Variants in TMC8 observed in about 807,000 individuals in gnomAD.
TMC8 encodes the protein transmembrane channel like 8.
A neutral mutation model predicts 76.0 loss-of-function variants in TMC8; 71 were observed. The ratio of observed to expected loss-of-function variants is 0.93; its 90% confidence interval spans 0.77 to 1.14. TMC8 has a LOEUF of 1.14. Among genes scored for constraint, TMC8 ranks in the 50% most tolerant of loss-of-function variants. TMC8 has a pLI of 0.00. For synonymous variants in TMC8, 433 were observed against 433.8 expected (o/e 1.00, Z 0.02); for missense variants, 924 against 947.9 (o/e 0.97, Z 0.33).
chr17:78,132,173 C>A, intron 3 of TMC8, 143 bp downstream of exon 3: 1 of 1,419,926 alleles, frequency 7.0e-7, no homozygotes, highest in Non-Finnish European at 9.6e-7. Context: ...ACCCCTTCCG[C>A]CCGCAGGCAC....
At chr17:78,139,310 G>A in intron 15 of TMC8, 70 bp downstream of exon 15, 1 of 1,574,918 alleles carries the variant, frequency 6.3e-7, no homozygotes, top group Non-Finnish European at 8.7e-7. Flanking sequence ...GTGGCCGAGG[G>A]CCTAGAACAC....
chr17:78,131,375 AGCCCC>A lies in TMC8; in HGVS notation c.-212_-208del, dbSNP rs2074959654. 1.5e-6 allele frequency: 1 copy of A among 647,620 alleles called. No individual in the cohort carries two copies. Among genetic ancestry groups the A allele is most frequent in the Non-Finnish European group, 2.6e-6 (1 of 378,058 alleles). The allele number at this position is 647,620 out of a possible 1,614,324, so 40.1% of individuals were successfully genotyped here. A position where few individuals can be genotyped will look rare whatever the true frequency, so the allele number is the denominator to read the frequency against. ...GCAGCAGGATTCTCTCTCATTTCTG[AGCCCC>A]GGAGGTGGCAGAGCGGCAGACCCGG... On this transcript the variant is annotated 5_prime_UTR_variant, in exon 2 of 16. An upstream open reading frame in the 5' UTR gains an earlier in-frame stop. Transcript: ENST00000318430.
intron 2 of TMC8, 36 bp from the exon 3 acceptor site, chr17:78,131,846 T>C: frequency 6.8e-7 from 1 of 1,476,054 alleles, no homozygotes; most frequent in Non-Finnish European, 9.0e-7. Flanking sequence ...GCAGGGCGGG[T>C]GACTCAGGGG....
Position 78,137,828 on chromosome 17 carries a change from T to C in TMC8, c.1349+14T>C, listed in dbSNP as rs994392224. On this transcript the variant is annotated intron_variant, in intron 11 of 15. Transcript: ENST00000318430. ...CCTGCCTCGGAGGTGAGCCCCGGGG[T>C]GACACCTCCAGAAGGGCGGGGGTGC... 2 of 1,611,596 alleles carry C rather than the reference T, an allele frequency of 1.2e-6. No homozygotes were observed. The highest frequency in any genetic ancestry group is 2.7e-5 in the African/African-American group (2 of 74,886).
rs1427810321 is a variant in TMC8 at position 78,131,944 on chromosome 17, A to G, written c.212A>G (p.Gln71Arg). The change falls in exon 3 of 16, where the codon CAG becomes CGG. Residue 71 changes from glutamine (Q) to arginine (R), a missense_variant. Gln to Arg is a conservative substitution (Grantham distance 43, BLOSUM62 1). Transcript: ENST00000318430. ...LRWQRWQRRR[Q>R]TVERRLREAA... ...TGGCAGCGGTGGCAGCGCCGGCGGC[A>G]GACGGTGGAAAGGCGCCTGCGGGAG... is the stretch of plus-strand genomic sequence containing the variant. The G allele has an allele frequency of 6.6e-7, 1 of 1,510,596 alleles. No individual in the cohort carries two copies. The highest frequency in any genetic ancestry group is 2.1e-5 in the Admixed American group (1 of 47,470). The allele number at this position is 1,510,596 out of a possible 1,614,324, so 93.6% of individuals were successfully genotyped here.
rs750338293 is a variant in TMC8 at position 78,138,048 on chromosome 17, G to C, written c.1393G>C (p.Glu465Gln). Residue 465 changes from glutamate (E) to glutamine (Q), a missense_variant, in exon 12 of 16, where the codon GAA (glutamate) becomes CAA (glutamine). Coordinates refer to ENST00000318430, the MANE Select transcript of TMC8 (RefSeq NM_152468.5). ...CTCAGGCCGGTTCTGGGCCTGGCTG[G>C]AACGGGAGGAGTTCCTGGTCCCCAA... ...RFSGRFWAWL[E>Q]REEFLVPKNV... 1.2e-6 allele frequency: 2 copies of C among 1,614,032 alleles called. No individual in the cohort carries two copies. Among genetic ancestry groups the C allele is most frequent in the East Asian group, 2.2e-5 (1 of 44,876 alleles).
chr17:78,141,102 C>T lies in TMC8; in HGVS notation c.2171C>T (p.Ala724Val), dbSNP rs2075365318. The T allele has an allele frequency of 1.3e-6, 2 of 1,572,264 alleles. No individual in the cohort carries two copies. The highest frequency in any genetic ancestry group is 1.4e-5 in the African/African-American group (1 of 73,966). The stretch of plus-strand genomic sequence containing the variant: ...CGCAGATTCCGCTTCCCCAGCGGCG[C>T]GGAGCTGTAACCCCTACCCCTGCCT... ...SARRFRFPSG[A>V]EL Residue 724 changes from alanine (A) to valine (V), a missense_variant, in exon 16 of 16, where the codon GCG (alanine) becomes GTG (valine). By Grantham distance (64) the Ala-to-Val change is moderately conservative. Transcript: ENST00000318430.
Position 78,141,200 on chromosome 17 carries a change from C to T in TMC8, c.*88C>T, listed in dbSNP as rs1194825549. 46 of 783,618 alleles carry T rather than the reference C, an allele frequency of 5.9e-5. No homozygotes were observed. Among genetic ancestry groups the T allele is most frequent in the Non-Finnish European group, 8.4e-5 (44 of 522,556 alleles). 48.5% of individuals were successfully genotyped at this position (783,618 alleles called of 1,614,324 possible). A position where few individuals can be genotyped will look rare whatever the true frequency, so the allele number is the denominator to read the frequency against. The stretch of plus-strand genomic sequence containing the variant: ...CAGACCCCTGGCGACCACCGCCCCT[C>T]TCAGTGGCTCCAGGGCCTCCCTCAG... On this transcript the variant is annotated 3_prime_UTR_variant, in exon 16 of 16. Transcript: ENST00000318430.
chr17:78,136,959 C>T (rs1174297630), intron 9 of TMC8: 1 of 415,132 alleles, frequency 2.4e-6, no homozygotes, highest in Admixed American at 3.6e-5. Flanking sequence ...GGCAGTGAGC[C>T]GAGGTCACAA....
intron 10 of TMC8, 150 bp from the exon 11 acceptor site, chr17:78,137,567 A>C: frequency 8.9e-7 from 1 of 1,120,724 alleles, no homozygotes; most frequent in Admixed American, 1.7e-5. Flanking sequence ...TCCTGCTCTA[A>C]TCCCATCCTC....
chr17:78,138,702 C>T lies in TMC8; in HGVS notation c.1793C>T (p.Ala598Val), dbSNP rs137975524. 14 of 1,611,304 alleles carry T rather than the reference C, an allele frequency of 8.7e-6. No homozygotes were observed. Among genetic ancestry groups the T allele is most frequent in the Admixed American group, 1.7e-5 (1 of 60,004 alleles). Residue 598 changes from alanine to valine, a missense_variant, in exon 14 of 16, where the codon GCC (alanine) becomes GTC (valine). Coordinates refer to ENST00000318430, the MANE Select transcript of TMC8 (RefSeq NM_152468.5). ...GCCCTCCACTACCTGGGCTCCCACGCCTTCAGCTTCCCCCTCCTCATCATG... is the reference window on the plus strand; with the variant it reads ...GCCCTCCACTACCTGGGCTCCCACGTCTTCAGCTTCCCCCTCCTCATCATG... The part of the protein sequence containing the change: ...QRALHYLGSH[A>V]FSFPLLIMLS...
intron 5 of TMC8, 26 bp from the exon 6 acceptor site, chr17:78,133,380 C>T: frequency 6.2e-7 from 1 of 1,613,566 alleles, no homozygotes; most frequent in East Asian, 2.2e-5. Context: ...CTCACCCGGG[C>T]TGGGTATCTT....
chr17:78,136,411 A>G (rs1169540910), intron 9 of TMC8, among the ~76,000 whole-genome samples: 6 of 152,136 alleles, frequency 3.9e-5, no homozygotes, highest in African/African-American at 7.2e-5. Context: ...TCAAGGCTAC[A>G]GGGAGCTGTG....
At position 78,131,991 on chromosome 17, in the gene TMC8, G is replaced by C. The variant is rs1288621413; in HGVS notation, c.259G>C (p.Gly87Arg). ...GGAGGCAGCGCAGCGGCTGGCCCGG[G>C]GCCTTGGGCTCTGGGAGGGGGCGCT... The part of the protein sequence containing the change: ...LREAAQRLAR[G>R]LGLWEGALYE... The change falls in exon 3 of 16, where the codon GGC becomes CGC. Residue 87 changes from glycine to arginine, a missense_variant. Transcript: ENST00000318430. 5.9e-6 allele frequency: 9 copies of C among 1,528,514 alleles called. No individual in the cohort carries two copies. The highest frequency in any genetic ancestry group is 7.9e-6 in the Non-Finnish European group (9 of 1,143,662). The allele number at this position is 1,528,514 out of a possible 1,614,324, so 94.7% of individuals were successfully genotyped here. A position where few individuals can be genotyped will look rare whatever the true frequency, so the allele number is the denominator to read the frequency against.
rs3834967 is a variant in TMC8 at position 78,141,173 on chromosome 17, TC to T, written c.*63del. 86,441 of 1,399,646 alleles carry T rather than the reference TC, an allele frequency of 0.062. 5,278 individuals are homozygous for T. The highest frequency in any genetic ancestry group is 0.28 in the Admixed American group (11,454 of 41,186). The allele number at this position is 1,399,646 out of a possible 1,614,324, so 86.7% of individuals were successfully genotyped here. ...CCCTTCAGGCCTCCTTACTCCATCT[TC>T]CAGACCCCTGGCGACCACCGCCCCT... On this transcript the variant is annotated 3_prime_UTR_variant, in exon 16 of 16. Transcript: ENST00000318430.
At chr17:78,140,766 G>A (rs1441080266) in intron 15 of TMC8, 68 bp from the exon 16 acceptor site, 9 of 1,553,672 alleles carry the variant, frequency 5.8e-6, no homozygotes, top group Non-Finnish European at 7.0e-6. Context: ...AGTTGCTGCC[G>A]CTGCTGTCCT....
Position 78,134,940 on chromosome 17 carries a change from T to A in TMC8, c.1058T>A (p.Leu353Gln). The change falls in exon 9 of 16, where the codon CTG (leucine) becomes CAG (glutamine). Residue 353 changes from leucine (L) to glutamine (Q), a missense_variant. Leu to Gln is a moderately radical substitution (Grantham distance 113). Transcript: ENST00000318430. ...GCCCTGGTCAACTTCCTGGGTCCCC[T>A]GCTGTTCACATTTCTGGTCCAGCTG... ...VIALVNFLGPLLFTFLVQLEN... is the reference protein window; with the variant it reads ...VIALVNFLGPQLFTFLVQLEN... 6.2e-7 allele frequency: 1 copy of A among 1,614,180 alleles called. No individual in the cohort carries two copies. The highest frequency in any genetic ancestry group is 1.1e-5 in the South Asian group (1 of 91,080).
chr17:78,135,402 T>C (rs772662549), intron 9 of TMC8, among the ~76,000 whole-genome samples: 1 of 151,856 alleles, frequency 6.6e-6, no homozygotes, highest in Non-Finnish European at 1.5e-5. Flanking sequence ...ACCATCCTCA[T>C]CCCCCTTGAG....
At position 78,138,172 on chromosome 17, in the gene TMC8, CCTT is replaced by C. The variant is rs772871149; in HGVS notation, c.1520_1522del (p.Phe507del). Reference sequence around the variant, plus strand: ...CTGAATAGCGTCTTCCTCTTCCTCACCTTCTACATCAAGAAGGTGACGGCTCAT... The same window carrying C: ...CTGAATAGCGTCTTCCTCTTCCTCACCTACATCAAGAAGGTGACGGCTCAT... On this transcript the variant is annotated inframe_deletion, in exon 12 of 16. Coordinates refer to ENST00000318430, the MANE Select transcript of TMC8 (RefSeq NM_152468.5). The C allele has an allele frequency of 5.0e-6, 8 of 1,613,846 alleles. No homozygotes were observed. The highest frequency in any genetic ancestry group is 4.0e-5 in the African/African-American group (3 of 75,008).
Sources: allele counts gnomAD v4.1 joint callset (sites outside exome capture counted in the v4.1 genomes callset), GRCh38; gene constraint gnomAD v4.1.1; transcripts MANE v1.5; gene names NCBI Gene and HGNC (gene_info 2026-07-23, HGNC 2026-07-21).